The following CFAP61 variants were observed in gnomAD, a reference collection of about 807,000 sequenced individuals.
The protein encoded by CFAP61 is cilia- and flagella-associated protein 61.
A neutral mutation model predicts 135.6 loss-of-function variants in CFAP61; 107 were observed. The observed-to-expected ratio is 0.79, with a 90% CI of 0.67 to 0.93. The LOEUF is 0.93. Ranked by LOEUF, CFAP61 falls within the 40% of genes least tolerant of loss-of-function variation. CFAP61 has a pLI of 0.00. For missense variants in CFAP61, 1,507 were observed against 1,556.2 expected (o/e 0.97, Z 0.53); for synonymous variants, 575 against 578.5 (o/e 0.99, Z 0.09).
chr20:20,270,792 C>A (rs2053281270), intron 21 of CFAP61, among the ~76,000 whole-genome samples: 1 of 151,988 alleles, frequency 6.6e-6, no homozygotes, highest in Non-Finnish European at 1.5e-5. Context: ...ACCTCAGCCT[C>A]CCGAGTAGCT....
intron 8 of CFAP61, among the ~76,000 whole-genome samples, chr20:20,103,453 GTGTATTTT>G (rs1431210776): frequency 6.6e-6 from 1 of 151,512 alleles, no homozygotes; most frequent in Non-Finnish European, 1.5e-5. Context: ...ACTAGTAGAA[GTGTATTTT>G]TTTTATTTAA....
In CFAP61 at chr20:20,288,776, C is replaced by G; in HGVS notation, c.2964C>G (p.Tyr988Ter). 2.5e-6 allele frequency: 4 copies of G among 1,614,206 alleles called. No homozygotes were observed. The highest frequency in any genetic ancestry group is 3.4e-6 in the Non-Finnish European group (4 of 1,180,030). Residue 988 changes from tyrosine (Y) to a stop codon, truncating the protein, a stop_gained, in exon 23 of 27, where the codon TAC (tyrosine) becomes TAG (stop). Transcript: ENST00000245957. LOFTEE classifies it high-confidence loss of function. ...GSLTKFSNRYYSNEWTHSNFS... is the reference protein window; with the variant it reads ...GSLTKFSNRY ...TCACCAAATTCTCCAATAGATACTA[C>G]TCAAATGAGTGGACTCACAGCAACT...
intron 21 of CFAP61, among the ~76,000 whole-genome samples, chr20:20,273,563 C>T (rs1257982492): frequency 6.6e-6 from 1 of 152,206 alleles, no homozygotes; most frequent in Non-Finnish European, 1.5e-5. Flanking sequence ...GGAAGAAAGT[C>T]TTAGGATCAG....
chr20:20,221,588 A>G (rs1441398522), intron 17 of CFAP61: 2 of 152,138 alleles, frequency 1.3e-5, no homozygotes, highest in African/African-American at 2.4e-5. Context: ...AATTTCTTTC[A>G]TCTATTCAGA....
chr20:20,084,312 C>A (rs1489788960), intron 6 of CFAP61, among the ~76,000 whole-genome samples: 2 of 152,062 alleles, frequency 1.3e-5, no homozygotes, highest in Non-Finnish European at 2.9e-5. Flanking sequence ...TTTTAAAGTC[C>A]AGCTTTAAAT....
At chr20:20,309,632 A>C (rs574682914) in intron 25 of CFAP61, among the ~76,000 whole-genome samples, 26 of 152,322 alleles carry the variant, frequency 1.7e-4, no homozygotes, top group Admixed American at 2.6e-4. Context: ...TAGGTTTGCC[A>C]TCATGCAATG....
At chr20:20,099,892 A>G (rs1322517105) in intron 8 of CFAP61, among the ~76,000 whole-genome samples, 1 of 152,198 alleles carries the variant, frequency 6.6e-6, no homozygotes, top group Non-Finnish European at 1.5e-5. Context: ...CCCCGTGCAC[A>G]GTGTCTAGAC....
rs1239349657 is a variant in CFAP61, at chr20:20,054,013, GTTTTTTT to G, written c.-37+1437_-37+1443del. On this transcript the variant is annotated intron_variant, in intron 1 of 26. Coordinates refer to ENST00000245957, the MANE Select transcript of CFAP61 (RefSeq NM_015585.4). ...ATCTCTGTGTGTGTTTTTTTTGTTT[GTTTTTTT>G]TTTTTTTTTTTTTTAGGAAAAATGT... Among the ~76,000 whole-genome samples, 7 of 59,106 alleles carry G rather than the reference GTTTTTTT, an allele frequency of 1.2e-4. No homozygotes were observed. In the East Asian group the frequency reaches 2.5e-3, roughly 22 times the overall value. 38.8% of individuals were successfully genotyped at this position (59,106 alleles called of 152,430 possible).
chr20:20,070,816 A>C (rs1222535732), intron 2 of CFAP61, 38 bp from the exon 3 acceptor site: 2 of 1,585,314 alleles, frequency 1.3e-6, no homozygotes, highest in Non-Finnish European at 1.7e-6. Context: ...CACTTTTTGT[A>C]ATCTTATTCA....
At chr20:20,110,386 A>C (rs1450130153) in intron 8 of CFAP61, among the ~76,000 whole-genome samples, 1 of 152,186 alleles carries the variant, frequency 6.6e-6, no homozygotes, top group Non-Finnish European at 1.5e-5. Flanking sequence ...AACAAGGAGC[A>C]GGGTTGATTG....
At chr20:20,282,847 G>A (rs1178735914) in intron 22 of CFAP61, among the ~76,000 whole-genome samples, 1 of 151,966 alleles carries the variant, frequency 6.6e-6, no homozygotes, top group Non-Finnish European at 1.5e-5. Flanking sequence ...GCTGAAGCAG[G>A]AGAATCTCTT....
At position 20,071,953 on chromosome 20, in the gene CFAP61, A is replaced by G. The variant is rs554620779; in HGVS notation, c.294+949A>G. Among the ~76,000 whole-genome samples the G allele has an allele frequency of 5.9e-4, 90 of 152,228 alleles. No homozygotes were observed. In the South Asian group the frequency reaches 0.018, roughly 31 times the overall value. ...CTTTGGTTGAGTAGCCTGTTTTACA[A>G]TTCTGTAGGAATGGTGATTAGCCTG... is the stretch of plus-strand genomic sequence containing the variant. On this transcript the variant is annotated intron_variant, in intron 3 of 26. Transcript: ENST00000245957.
chr20:20,264,263 T>C (rs2052517813), intron 21 of CFAP61, among the ~76,000 whole-genome samples: 1 of 152,236 alleles, frequency 6.6e-6, no homozygotes. Context: ...GTTTTTGGAA[T>C]CAAGGGTATG....
chr20:20,171,815 C>T (rs1448596413), intron 13 of CFAP61: 3 of 708,216 alleles, frequency 4.2e-6, no homozygotes, highest in Non-Finnish European at 7.9e-6. Flanking sequence ...ATAGCATCAC[C>T]AGAGTGTCAA....
At chr20:20,178,112 A>G (rs1224420446) in intron 13 of CFAP61, among the ~76,000 whole-genome samples, 1 of 152,150 alleles carries the variant, frequency 6.6e-6, no homozygotes, top group Non-Finnish European at 1.5e-5. Context: ...TGTGCTGGTG[A>G]GCACTGGGAC....
At chr20:20,064,457 G>A (rs76947056) in intron 2 of CFAP61, among the ~76,000 whole-genome samples, 2,054 of 152,210 alleles carry the variant, frequency 0.013, 44 homozygotes, top group African/African-American at 0.047. Flanking sequence ...AAAGCACTGT[G>A]ATGCAGTGAC....
chr20:20,237,029 C>G (rs1351135529), intron 18 of CFAP61, among the ~76,000 whole-genome samples: 2 of 152,210 alleles, frequency 1.3e-5, no homozygotes, highest in African/African-American at 4.8e-5. Context: ...TCATTTTCAT[C>G]TGTTTTGCCA....
intron 8 of CFAP61, among the ~76,000 whole-genome samples, chr20:20,108,604 G>T (rs1213569153): frequency 6.6e-6 from 1 of 152,146 alleles, no homozygotes; most frequent in Non-Finnish European, 1.5e-5. Flanking sequence ...GTACAGGGAG[G>T]CAATGAACTA....
chr20:20,203,325 A>G (rs1437870258), intron 17 of CFAP61, among the ~76,000 whole-genome samples: 1 of 152,240 alleles, frequency 6.6e-6, no homozygotes, highest in Non-Finnish European at 1.5e-5. Context: ...TTGACATCAT[A>G]GACCTGAAAG....
Sources: gnomAD v4.1 joint callset for allele counts (sites outside exome capture counted in the v4.1 genomes callset) on GRCh38, gnomAD v4.1.1 for gene constraint, MANE v1.5 for transcripts, NCBI Gene and HGNC (gene_info 2026-07-23, HGNC 2026-07-21) for gene names.